The following RS1 variants were observed in gnomAD, a reference collection of about 807,000 sequenced individuals.
The protein encoded by RS1 is retinoschisin.
RS1 carries 2 observed loss-of-function variants against 20.8 expected under a neutral mutation model. The observed-to-expected ratio is 0.10, with a 90% confidence interval of 0.04 to 0.30. RS1 has a LOEUF of 0.30. Ranked by LOEUF, RS1 falls within the 10% of genes least tolerant of loss-of-function variation. RS1 has a pLI of 1.00. For missense variants in RS1, 151 were observed against 189.8 expected (o/e 0.80, Z 1.20); for synonymous variants, 70 against 75.8 (o/e 0.92, Z 0.40).
chrX:18,659,818 G>C (rs993053008), intron 1 of RS1, among the ~76,000 whole-genome samples: 1 of 111,178 alleles, frequency 9.0e-6, no homozygotes, highest in Non-Finnish European at 1.9e-5. Flanking sequence ...ATGGGCCATC[G>C]AATTCCTTTC....
At chrX:18,653,970 AAAAAAAAT>A (rs1249253381) in intron 3 of RS1, among the ~76,000 whole-genome samples, 1 of 110,132 alleles carries the variant, frequency 9.1e-6, no homozygotes, top group African/African-American at 3.3e-5. Flanking sequence ...TCCGTCTCAA[AAAAAAAAT>A]AAAAAAATAA....
Position 18,641,832 on chromosome X carries a change from T to A in RS1, c.*172A>T. On this transcript the variant is annotated 3_prime_UTR_variant, in exon 6 of 6. Coordinates refer to ENST00000379984, the MANE Select transcript of RS1 (RefSeq NM_000330.4). ...AGTGGGGAATAAGTTCATTTTTATT[T>A]CATTGAAATCAGAAAGCTATATCTT... 2.2e-6 allele frequency: 1 copy of A among 460,469 alleles called. No individual in the cohort carries two copies. The highest frequency in any genetic ancestry group is 3.7e-5 in the East Asian group (1 of 26,697). 37.9% of individuals were successfully genotyped at this position (460,469 alleles called of 1,213,427 possible). A position where few individuals can be genotyped will look rare whatever the true frequency, so the allele number is the denominator to read the frequency against.
At chrX:18,664,443 C>T (rs1406542224) in intron 1 of RS1, among the ~76,000 whole-genome samples, 2 of 111,888 alleles carry the variant, frequency 1.8e-5, no homozygotes, top group Admixed American at 9.5e-5. Flanking sequence ...GCCTGGCCAA[C>T]ATGGTGAAAC....
chrX:18,657,241 G>C (rs1473035944), intron 2 of RS1, among the ~76,000 whole-genome samples: 1 of 15,727 alleles, frequency 6.4e-5, no homozygotes, highest in Admixed American at 5.6e-4. Context: ...TTTTTTTTGA[G>C]ACAGAGTCTC....
rs1250531842 is a variant in RS1, at chrX:18,653,537, G to T, written c.184+3116C>A. 8.3e-7 allele frequency: 1 copy of T among 1,211,713 alleles called. No homozygotes were observed. The highest frequency in any genetic ancestry group is 1.1e-6 in the Non-Finnish European group (1 of 895,447). On this transcript the variant is annotated intron_variant, in intron 3 of 5. Coordinates refer to ENST00000379984, the MANE Select transcript of RS1 (RefSeq NM_000330.4). ...TACCATGAGAATGCGGCACTGACGG[G>T]CAAGTGACTTCTGCAAGCCTGCGGC...
At chrX:18,657,020 T>A (rs757026800) in intron 2 of RS1, among the ~76,000 whole-genome samples, 1 of 110,443 alleles carries the variant, frequency 9.1e-6, no homozygotes, top group African/African-American at 3.3e-5. Context: ...CACCCCATTA[T>A]AGTTATCTTC....
At chrX:18,663,100 G>A (rs1458802658) in intron 1 of RS1, among the ~76,000 whole-genome samples, 4 of 97,741 alleles carry the variant, frequency 4.1e-5, no homozygotes, top group Non-Finnish European at 5.9e-5. Context: ...GTGCAATGGC[G>A]CAATCTCGGC....
rs150900695 is a variant in RS1 at position 18,653,445 on chromosome X, C to T, written c.184+3208G>A. On this transcript the variant is annotated intron_variant, in intron 3 of 5. Transcript: ENST00000379984. ...TGTGCTTTCCAGGGTTCTCTTTCTT[C>T]GTGAGACACGTTATGAGGGAAGCCC... The T allele has an allele frequency of 4.3e-4, 520 of 1,209,395 alleles. 3 individuals are homozygous for T. The African/African-American group carries it at 7.5e-3, about 17-fold the overall frequency.
intron 2 of RS1, among the ~76,000 whole-genome samples, chrX:18,657,052 C>G (rs914847836): frequency 4.6e-5 from 5 of 109,472 alleles, no homozygotes; most frequent in Non-Finnish European, 9.5e-5. Context: ...GAGCCCCAAT[C>G]CAAGTTTAGA....
rs1015774340 is a variant in RS1, at chrX:18,642,022, G to A, written c.657C>T (p.Cys219=). The A allele has an allele frequency of 3.3e-6, 4 of 1,209,788 alleles. No individual in the cohort carries two copies. The highest frequency in any genetic ancestry group is 1.8e-5 in the South Asian group (1 of 56,811). ...GCAGGCATCAGGCACACTTGCTGAC[G>A]CACTCCAGCAGCTCCATCCGGATGG... ...RIAIRMELLE[C]VSKCA Residue 219 remains cysteine (C), a synonymous_variant, in exon 6 of 6, where the codon TGC becomes TGT. Coordinates refer to ENST00000379984, the MANE Select transcript of RS1 (RefSeq NM_000330.4).
intron 3 of RS1, among the ~76,000 whole-genome samples, chrX:18,656,185 T>G (rs1310674037): frequency 2.7e-5 from 3 of 109,707 alleles, no homozygotes; most frequent in African/African-American, 1.0e-4. Flanking sequence ...AAAGACAAGG[T>G]TTCACCATGT....
intron 3 of RS1, chrX:18,650,158 G>A (rs186638908): frequency 6.6e-4 from 285 of 431,209 alleles, no homozygotes; most frequent in African/African-American, 4.9e-3. Context: ...ACTCCAGAGC[G>A]GTCTGTAGCC....
intron 3 of RS1, among the ~76,000 whole-genome samples, chrX:18,654,363 G>A (rs1436139870): frequency 3.6e-5 from 4 of 110,983 alleles, no homozygotes; most frequent in Non-Finnish European, 5.7e-5. Flanking sequence ...GCTGCACATG[G>A]CCCTTTCTTG....
chrX:18,642,816 G>T (rs1452655842), intron 5 of RS1, among the ~76,000 whole-genome samples: 1 of 110,737 alleles, frequency 9.0e-6, no homozygotes, highest in Non-Finnish European at 1.9e-5. Context: ...GAGGCGGGCG[G>T]ATCGTTTGAG....
chrX:18,653,299 A>G (rs1013678456), intron 3 of RS1: 4 of 1,126,315 alleles, frequency 3.6e-6, no homozygotes, highest in Non-Finnish European at 4.7e-6. Context: ...TTTTAATAGC[A>G]TTAAAGTGAA....
intron 1 of RS1, among the ~76,000 whole-genome samples, chrX:18,670,402 A>G (rs1280341387): frequency 9.2e-6 from 1 of 109,201 alleles, no homozygotes; most frequent in East Asian, 2.9e-4. Flanking sequence ...TACTTTTTGT[A>G]TTTTTGTAGA....
At chrX:18,644,928 T>G (rs763301039) in intron 4 of RS1, among the ~76,000 whole-genome samples, 109 of 112,888 alleles carry the variant, frequency 9.7e-4, no homozygotes, top group African/African-American at 2.6e-3. Flanking sequence ...GTTGAACATG[T>G]CTGTCTGCAA....
At chrX:18,643,782 C>T (rs1281209490) in intron 5 of RS1, among the ~76,000 whole-genome samples, 1 of 110,171 alleles carries the variant, frequency 9.1e-6, no homozygotes, top group Non-Finnish European at 1.9e-5. Context: ...GGATGTTTAC[C>T]ATTTCCAAAG....
intron 1 of RS1, among the ~76,000 whole-genome samples, chrX:18,667,311 G>A (rs750606091): frequency 1.4e-3 from 161 of 111,266 alleles, no homozygotes; most frequent in African/African-American, 4.9e-3. Context: ...TTGGGAGACC[G>A]AGGCGGGCAA....
Sources: allele counts gnomAD v4.1 joint callset (sites outside exome capture counted in the v4.1 genomes callset), GRCh38; gene constraint gnomAD v4.1.1; transcripts MANE v1.5; gene names NCBI Gene and HGNC (gene_info 2026-07-23, HGNC 2026-07-21).